The following PXDNL variants were observed in gnomAD, a reference collection of about 807,000 sequenced individuals.
The protein encoded by PXDNL is probable oxidoreductase PXDNL.
PXDNL carries 145 observed loss-of-function variants against 150.8 expected under a neutral mutation model. The observed-to-expected ratio is 0.96, with a 90% CI of 0.84 to 1.10. The LOEUF is 1.10. Ranked by LOEUF, PXDNL falls within the 50% of genes least tolerant of loss-of-function variation. The pLI is 0.00. For missense variants in PXDNL, 2,087 were observed against 1,873.9 expected, an observed-to-expected ratio of 1.11 and a Z score of -2.10; for synonymous variants, 757 against 725.7, an observed-to-expected ratio of 1.04 and a Z score of -0.69.
intron 3 of PXDNL, among the ~76,000 whole-genome samples, chr8:51,562,147 T>C (rs117152381): frequency 0.054 from 8,210 of 151,670 alleles, 306 homozygotes; most frequent in Non-Finnish European, 0.087. Context: ...TTATAAAATA[T>C]ATAATTTTAA....
At chr8:51,750,580 A>C (rs2037034933) in intron 1 of PXDNL, among the ~76,000 whole-genome samples, 1 of 152,232 alleles carries the variant, frequency 6.6e-6, no homozygotes, top group African/African-American at 2.4e-5. Context: ...TATGTGGTGC[A>C]TGACTGTATT....
chr8:51,331,287 G>A (rs1054280448), intron 21 of PXDNL, among the ~76,000 whole-genome samples: 2 of 152,210 alleles, frequency 1.3e-5, no homozygotes, highest in African/African-American at 4.8e-5. Context: ...GCCAAGCCAA[G>A]TGAAATACAG....
chr8:51,754,039 G>A (rs2037072939), intron 1 of PXDNL, among the ~76,000 whole-genome samples: 1 of 152,066 alleles, frequency 6.6e-6, no homozygotes, highest in Non-Finnish European at 1.5e-5. Context: ...GATAACAAGC[G>A]CCAAGGATTT....
intron 20 of PXDNL, among the ~76,000 whole-genome samples, chr8:51,343,264 C>T (rs1013375362): frequency 6.6e-5 from 10 of 152,146 alleles, no homozygotes; most frequent in African/African-American, 1.7e-4. Context: ...AAATTACAAC[C>T]GCAATTCTTT....
chr8:51,683,039 T>C (rs1318501608), intron 1 of PXDNL, among the ~76,000 whole-genome samples: 1 of 151,438 alleles, frequency 6.6e-6, no homozygotes, highest in African/African-American at 2.4e-5. Flanking sequence ...ATATGGTAGT[T>C]ATATTTTTAA....
chr8:51,353,915 A>G (rs1005657465), intron 19 of PXDNL, among the ~76,000 whole-genome samples: 2 of 152,110 alleles, frequency 1.3e-5, no homozygotes, highest in Non-Finnish European at 2.9e-5. Flanking sequence ...ATATGTGACC[A>G]TTATCAATAT....
intron 21 of PXDNL, among the ~76,000 whole-genome samples, chr8:51,329,113 C>T (rs577668076): frequency 6.6e-6 from 1 of 152,296 alleles, no homozygotes; most frequent in Admixed American, 6.5e-5. Flanking sequence ...AGTACTGGAG[C>T]AATGCTTGTG....
At chr8:51,599,670 AAATGATATCATTT>A (rs1488051218) in intron 2 of PXDNL, among the ~76,000 whole-genome samples, 1 of 147,056 alleles carries the variant, frequency 6.8e-6, no homozygotes, top group East Asian at 1.9e-4. Context: ...TATCTTATAT[AAATGATATCATTT>A]ATATAATAAA....
intron 1 of PXDNL, among the ~76,000 whole-genome samples, chr8:51,675,980 A>T (rs1226943148): frequency 1.3e-5 from 2 of 152,190 alleles, no homozygotes; most frequent in Non-Finnish European, 2.9e-5. Flanking sequence ...TTATCTGGTC[A>T]TCCATTGCAT....
Position 51,781,856 on chromosome 8 carries a change from C to G in PXDNL, c.164+27325G>C, listed in dbSNP as rs139039405. Among the ~76,000 whole-genome samples, 224 of 152,288 alleles carry G rather than the reference C, an allele frequency of 1.5e-3. 5 individuals are homozygous for G. In the East Asian group the frequency reaches 0.039, roughly 26 times the overall value. On this transcript the variant is annotated intron_variant, in intron 1 of 22. Coordinates refer to ENST00000356297, the MANE Select transcript of PXDNL (RefSeq NM_144651.5). ...ATCCAGAGCAAGAAAAGCAAAAGCCCTCTTGGAACACAGGCACATGTGCAC... is the reference window on the plus strand; with the variant it reads ...ATCCAGAGCAAGAAAAGCAAAAGCCGTCTTGGAACACAGGCACATGTGCAC...
intron 2 of PXDNL, among the ~76,000 whole-genome samples, chr8:51,628,022 A>G (rs1263779910): frequency 6.6e-6 from 1 of 152,194 alleles, no homozygotes; most frequent in African/African-American, 2.4e-5. Flanking sequence ...GCACAAGATT[A>G]TAGTGTAGGC....
chr8:51,455,115 C>CAAAAAAA (rs536468204), intron 9 of PXDNL, among the ~76,000 whole-genome samples: 1 of 15,864 alleles, frequency 6.3e-5, no homozygotes, highest in Non-Finnish European at 1.0e-4. Context: ...GACTCCGTCT[C>CAAAAAAA]AAAAAAAAAA....
intron 1 of PXDNL, among the ~76,000 whole-genome samples, chr8:51,725,098 T>C (rs908716577): frequency 2.6e-5 from 4 of 152,196 alleles, no homozygotes; most frequent in African/African-American, 9.6e-5. Flanking sequence ...ATTACTAATT[T>C]CTGGGTATTT....
chr8:51,584,922 C>G (rs374858368), intron 3 of PXDNL, among the ~76,000 whole-genome samples: 3 of 151,870 alleles, frequency 2.0e-5, no homozygotes, highest in Non-Finnish European at 2.9e-5. Flanking sequence ...AGTTTTGTAC[C>G]GGCAAGGGTA....
intron 4 of PXDNL, among the ~76,000 whole-genome samples, chr8:51,518,081 G>C (rs778919552): frequency 7.2e-5 from 11 of 152,012 alleles, no homozygotes; most frequent in Non-Finnish European, 5.9e-5. Flanking sequence ...CTAACGTCAG[G>C]GTCAGTGTAT....
intron 5 of PXDNL, among the ~76,000 whole-genome samples, chr8:51,486,251 T>A (rs1289695838): frequency 6.6e-6 from 1 of 152,204 alleles, no homozygotes; most frequent in Admixed American, 6.5e-5. Context: ...TCATCACAGA[T>A]TTTGAAGCAA....
At chr8:51,781,663 C>A (rs1358768577) in intron 1 of PXDNL, among the ~76,000 whole-genome samples, 1 of 152,150 alleles carries the variant, frequency 6.6e-6, no homozygotes, top group Non-Finnish European at 1.5e-5. Context: ...TCCTACCCTG[C>A]CAGAGACAGG....
chr8:51,352,193 A>G (rs923073953), intron 19 of PXDNL, among the ~76,000 whole-genome samples: 3 of 152,158 alleles, frequency 2.0e-5, no homozygotes, highest in African/African-American at 7.2e-5. Flanking sequence ...GATTTTGCAA[A>G]AAGCTAAAAA....
intron 1 of PXDNL, among the ~76,000 whole-genome samples, chr8:51,729,536 T>C (rs1030678068): frequency 6.6e-6 from 1 of 152,222 alleles, no homozygotes; most frequent in Non-Finnish European, 1.5e-5. Flanking sequence ...GAGACTCTTA[T>C]TGGTTGCTGG....
Sources: allele counts gnomAD v4.1 joint callset (sites outside exome capture counted in the v4.1 genomes callset), GRCh38; gene constraint gnomAD v4.1.1; transcripts MANE v1.5; gene names NCBI Gene and HGNC (gene_info 2026-07-23, HGNC 2026-07-21).